Variants in CORT observed in about 807,000 individuals in gnomAD.
CORT encodes the protein cortistatin-14.
A neutral mutation model predicts 4.4 loss-of-function variants in CORT; 2 were observed. The ratio of observed to expected loss-of-function variants is 0.46; its 90% CI spans 0.19 to 1.44. CORT has a LOEUF of 1.44. Ranked by LOEUF, CORT falls within the 40% of genes most tolerant of loss-of-function variation. The probability of loss-of-function intolerance (pLI) is 0.26; values close to 1 mark genes in which losing one functional copy is unlikely to be tolerated. For missense variants in CORT, 158 were observed against 140.2 expected, an observed-to-expected ratio of 1.13 and a Z score of -0.64; for synonymous variants, 72 against 62.0, an observed-to-expected ratio of 1.16 and a Z score of -0.75.
At chr1:10,451,053 G>A (rs1046304746) in intron 1 of CORT, among the ~76,000 whole-genome samples, 1 of 152,108 alleles carries the variant, frequency 6.6e-6, no homozygotes, top group African/African-American at 2.4e-5. Context: ...CAGATTTCCC[G>A]ACCTCTCCTA....
rs749561966 is a variant in CORT at position 10,451,542 on chromosome 1, G to T, written c.265G>T (p.Asp89Tyr). 1 of 1,613,930 alleles carries T rather than the reference G, an allele frequency of 6.2e-7. No homozygotes were observed. The highest frequency in any genetic ancestry group is 1.3e-5 in the African/African-American group (1 of 75,066). Reference protein sequence around the residue: ...GAPPQQSARRDRMPCRNFFWK... With the variant: ...GAPPQQSARRYRMPCRNFFWK... ...ACCCCCCCAGCAATCTGCGCGCCGG[G>T]ACAGAATGCCCTGCAGGAACTTCTT... Residue 89 changes from aspartate (D) to tyrosine (Y), a missense_variant, in exon 2 of 2, where the codon GAC (aspartate) becomes TAC (tyrosine). Coordinates refer to ENST00000377049, the MANE Select transcript of CORT (RefSeq NM_001302.5).
Position 10,451,537 on chromosome 1 carries a change from GC to G in CORT, c.262del (p.Arg88GlyfsTer38). ...QEGAPPQQSARRDRMPCRNFF... is the reference protein window; with the variant it reads ...QEGAPPQQSAXRDRMPCRNFF... ...GGCGCACCCCCCCAGCAATCTGCGC[GC>G]CGGGACAGAATGCCCTGCAGGAACT... On this transcript the variant is annotated frameshift_variant, in exon 2 of 2. Transcript: ENST00000377049. LOFTEE classifies it high-confidence loss of function. 1.2e-6 allele frequency: 2 copies of G among 1,613,904 alleles called. No homozygotes were observed. Among genetic ancestry groups the G allele is most frequent in the Non-Finnish European group, 1.7e-6 (2 of 1,179,988 alleles).
rs1570084677 is a variant in CORT at position 10,450,094 on chromosome 1, C to G, written c.-130C>G. 1 of 1,602,826 alleles carries G rather than the reference C, an allele frequency of 6.2e-7. No homozygotes were observed. Among genetic ancestry groups the G allele is most frequent in the Non-Finnish European group, 8.5e-7 (1 of 1,174,908 alleles). The stretch of plus-strand genomic sequence containing the variant: ...TAGACATGTATAGACACAAAAACAG[C>G]TGGAGATTGGGCTTAAAATACCCAC... On this transcript the variant is annotated 5_prime_UTR_variant, in exon 1 of 2. Transcript: ENST00000377049.
rs981881639 is a variant in CORT, at chr1:10,451,737, G to A, written c.*142G>A. The stretch of plus-strand genomic sequence containing the variant: ...AATTCCAATAATGCCCAATACTGAC[G>A]TGTCTTGAGTAATTTGGAACCCAAA... On this transcript the variant is annotated 3_prime_UTR_variant, in exon 2 of 2. Coordinates refer to ENST00000377049, the MANE Select transcript of CORT (RefSeq NM_001302.5). The A allele has an allele frequency of 1.5e-6, 2 of 1,313,636 alleles. No homozygotes were observed. Among genetic ancestry groups the A allele is most frequent in the South Asian group, 1.7e-5 (1 of 58,796 alleles). The allele number at this position is 1,313,636 out of a possible 1,614,324, so 81.4% of individuals were successfully genotyped here.
chr1:10,451,561 A>G lies in CORT; in HGVS notation c.284A>G (p.Asn95Ser). 3 of 1,613,580 alleles carry G rather than the reference A, an allele frequency of 1.9e-6. No homozygotes were observed. The highest frequency in any genetic ancestry group is 2.5e-6 in the Non-Finnish European group (3 of 1,179,878). ...SARRDRMPCR[N>S]FFWKTFSSCK Reference sequence around the variant, plus strand: ...CGCCGGGACAGAATGCCCTGCAGGAACTTCTTCTGGAAGACCTTCTCCTCC... The same window carrying G: ...CGCCGGGACAGAATGCCCTGCAGGAGCTTCTTCTGGAAGACCTTCTCCTCC... The change falls in exon 2 of 2, where the codon AAC (asparagine) becomes AGC (serine). Residue 95 changes from asparagine (N) to serine (S), a missense_variant. Physicochemically the swap from Asn to Ser is conservative, Grantham distance 46. Transcript: ENST00000377049.
In CORT at chr1:10,450,316, C is replaced by T. The variant is rs1380186434; in HGVS notation, c.93C>T (p.Asp31=). ...LPLEGGPTGR[D]SEHMQEAAGI... is the part of the protein sequence containing the mutation. ...TGGAGGGTGGCCCCACCGGCCGAGA[C>T]AGCGAGGTGAGTACAGTCCCGACGT... is the stretch of plus-strand genomic sequence containing the variant. The change falls in exon 1 of 2, where the codon GAC becomes GAT. Residue 31 remains aspartate, a synonymous_variant. Coordinates refer to ENST00000377049, the MANE Select transcript of CORT (RefSeq NM_001302.5). 6.6e-7 allele frequency: 1 copy of T among 1,513,388 alleles called. No individual in the cohort carries two copies. Among genetic ancestry groups the T allele is most frequent in the Non-Finnish European group, 8.8e-7 (1 of 1,131,864 alleles). The allele number at this position is 1,513,388 out of a possible 1,614,324, so 93.7% of individuals were successfully genotyped here.
Position 10,451,476 on chromosome 1 carries a change from G to A in CORT, c.199G>A (p.Gly67Arg), listed in dbSNP as rs906613670. 6.2e-7 allele frequency: 1 copy of A among 1,614,016 alleles called. No homozygotes were observed. Among genetic ancestry groups the A allele is most frequent in the Non-Finnish European group, 8.5e-7 (1 of 1,180,010 alleles). The change falls in exon 2 of 2, where the codon GGA (glycine) becomes AGA (arginine). Residue 67 changes from glycine (G) to arginine (R), a missense_variant. Physicochemically the swap from Gly to Arg is moderately radical, Grantham distance 125. Transcript: ENST00000377049. Reference protein sequence around the residue: ...TSQASAGPLIGEEAREVARRQ... With the variant: ...TSQASAGPLIREEAREVARRQ... Reference sequence around the variant, plus strand: ...CCAGGCCAGTGCCGGGCCCCTCATAGGAGAGGAAGCCCGGGAGGTGGCCAG... The same window carrying A: ...CCAGGCCAGTGCCGGGCCCCTCATAAGAGAGGAAGCCCGGGAGGTGGCCAG...
At chr1:10,451,244 C>T in intron 1 of CORT, 133 bp from the exon 2 acceptor site, 2 of 1,174,612 alleles carry the variant, frequency 1.7e-6, no homozygotes. Context: ...TATTTTCTTT[C>T]TCTTTTCTCC....
chr1:10,450,136 G>A lies in CORT; in HGVS notation c.-88G>A, dbSNP rs754981461. Reference sequence around the variant, plus strand: ...AATACCCACCAAGCTCCAAAGAAGAGACCCAAGTCCCCAAAACATTGATTT... The same window carrying A: ...AATACCCACCAAGCTCCAAAGAAGAAACCCAAGTCCCCAAAACATTGATTT... On this transcript the variant is annotated 5_prime_UTR_variant, in exon 1 of 2. Coordinates refer to ENST00000377049, the MANE Select transcript of CORT (RefSeq NM_001302.5). 6.2e-7 allele frequency: 1 copy of A among 1,609,682 alleles called. No homozygotes were observed. The highest frequency in any genetic ancestry group is 8.5e-7 in the Non-Finnish European group (1 of 1,178,378).
In CORT at chr1:10,451,488, C is replaced by A; in HGVS notation, c.211C>A (p.Arg71=). ...SAGPLIGEEA[R]EVARRQEGAP... ...CGGGCCCCTCATAGGAGAGGAAGCC[C>A]GGGAGGTGGCCAGGCGGCAGGAAGG... Residue 71 remains arginine (R), a synonymous_variant, in exon 2 of 2, where the codon CGG becomes AGG. Coordinates refer to ENST00000377049, the MANE Select transcript of CORT (RefSeq NM_001302.5). The A allele has an allele frequency of 6.2e-7, 1 of 1,614,080 alleles. No homozygotes were observed.
chr1:10,450,043 G>C lies in CORT; in HGVS notation c.-181G>C. On this transcript the variant is annotated 5_prime_UTR_variant, in exon 1 of 2. Coordinates refer to ENST00000377049, the MANE Select transcript of CORT (RefSeq NM_001302.5). ...CTCCAGCTTCTGCGTCACTGCGCGA[G>C]GGAAGAGGGAAGAGGATCCAGGCGT... 6.7e-7 allele frequency: 1 copy of C among 1,496,854 alleles called. No individual in the cohort carries two copies. Among genetic ancestry groups the C allele is most frequent in the Non-Finnish European group, 9.0e-7 (1 of 1,116,724 alleles). The allele number at this position is 1,496,854 out of a possible 1,614,324, so 92.7% of individuals were successfully genotyped here.
chr1:10,450,255 T>C lies in CORT; in HGVS notation c.32T>C (p.Leu11Pro). 6.3e-7 allele frequency: 1 copy of C among 1,576,052 alleles called. No homozygotes were observed. The highest frequency in any genetic ancestry group is 1.2e-5 in the South Asian group (1 of 84,728). MPLSPGLLLL[L>P]LSGATATAAL... ...TTGTCCCCCGGCCTCCTGCTGCTGC[T>C]GCTCTCCGGGGCCACGGCCACCGCT... Residue 11 changes from leucine to proline, a missense_variant, in exon 1 of 2, where the codon CTG (leucine) becomes CCG (proline). Transcript: ENST00000377049.
At position 10,451,569 on chromosome 1, in the gene CORT, T is replaced by C; in HGVS notation, c.292T>C (p.Trp98Arg). The change falls in exon 2 of 2, where the codon TGG becomes CGG. Residue 98 changes from tryptophan to arginine, a missense_variant. By Grantham distance (101) the Trp-to-Arg change is moderately radical. Transcript: ENST00000377049. Reference sequence around the variant, plus strand: ...CAGAATGCCCTGCAGGAACTTCTTCTGGAAGACCTTCTCCTCCTGCAAATA... The same window carrying C: ...CAGAATGCCCTGCAGGAACTTCTTCCGGAAGACCTTCTCCTCCTGCAAATA... Reference protein sequence around the residue: ...RDRMPCRNFFWKTFSSCK With the variant: ...RDRMPCRNFFRKTFSSCK The C allele has an allele frequency of 6.2e-7, 1 of 1,613,318 alleles. No individual in the cohort carries two copies. The highest frequency in any genetic ancestry group is 1.1e-5 in the South Asian group (1 of 90,946).
intron 1 of CORT, among the ~76,000 whole-genome samples, chr1:10,450,944 T>C (rs1457385836): frequency 6.6e-6 from 1 of 152,156 alleles, no homozygotes; most frequent in Non-Finnish European, 1.5e-5. Context: ...AGAAAGCAAC[T>C]TGTGAACATC....
At chr1:10,451,284 TAAGTAA>T in intron 1 of CORT, 87 bp from the exon 2 acceptor site, 1 of 1,303,076 alleles carries the variant, frequency 7.7e-7, no homozygotes, top group Non-Finnish European at 1.0e-6. Flanking sequence ...TTTTTTTTTT[TAAGTAA>T]GGAGGAGATT....
chr1:10,451,435 GGTTT>G lies in CORT; in HGVS notation c.160_163del (p.Phe54SerfsTer12). 1 of 1,613,912 alleles carries G rather than the reference GGTTT, an allele frequency of 6.2e-7. No individual in the cohort carries two copies. Among genetic ancestry groups the G allele is most frequent in the South Asian group, 1.1e-5 (1 of 91,048 alleles). On this transcript the variant is annotated frameshift_variant, in exon 2 of 2. Transcript: ENST00000377049. LOFTEE classifies it low-confidence loss of function (END_TRUNC). Reference sequence around the variant, plus strand: ...AGCCTCCTGACTTTCCTCGCTTGGTGGTTTGAGTGGACCTCCCAGGCCAGTGCCG... The same window carrying G: ...AGCCTCCTGACTTTCCTCGCTTGGTGGAGTGGACCTCCCAGGCCAGTGCCG...
intron 1 of CORT, 93 bp from the exon 2 acceptor site, chr1:10,451,284 T>A: frequency 1.5e-6 from 2 of 1,303,074 alleles, no homozygotes; most frequent in South Asian, 1.9e-5. Flanking sequence ...TTTTTTTTTT[T>A]AAGTAAGGAG....
chr1:10,450,090 A>G lies in CORT; in HGVS notation c.-134A>G. ...GCGTTAGACATGTATAGACACAAAA[A>G]CAGCTGGAGATTGGGCTTAAAATAC... On this transcript the variant is annotated 5_prime_UTR_variant, in exon 1 of 2. Transcript: ENST00000377049. 6.2e-7 allele frequency: 1 copy of G among 1,600,690 alleles called. No homozygotes were observed. Among genetic ancestry groups the G allele is most frequent in the Non-Finnish European group, 8.5e-7 (1 of 1,173,714 alleles).
In CORT at chr1:10,450,265, G is replaced by T; in HGVS notation, c.42G>T (p.Gly14=). Residue 14 remains glycine, a synonymous_variant, in exon 1 of 2, where the codon GGG becomes GGT. Transcript: ENST00000377049. ...GCCTCCTGCTGCTGCTGCTCTCCGG[G>T]GCCACGGCCACCGCTGCCCTGCCCC... ...SPGLLLLLLS[G]ATATAALPLE... 1 of 1,566,988 alleles carries T rather than the reference G, an allele frequency of 6.4e-7. No homozygotes were observed. The highest frequency in any genetic ancestry group is 8.6e-7 in the Non-Finnish European group (1 of 1,156,320).
Sources: allele counts gnomAD v4.1 joint callset (sites outside exome capture counted in the v4.1 genomes callset), GRCh38; gene constraint gnomAD v4.1.1; transcripts MANE v1.5; gene names NCBI Gene and HGNC (gene_info 2026-07-23, HGNC 2026-07-21).